Variants in CDH18 observed in about 807,000 individuals in gnomAD.
The protein encoded by CDH18 is cadherin 18.
Under a neutral mutation model 67.9 loss-of-function variants are expected in CDH18, and 31 were observed. That is an observed-to-expected ratio of 0.46 (90% confidence interval 0.34 to 0.62). The LOEUF (loss-of-function observed/expected upper bound fraction) is 0.62, where lower values mean the gene tolerates loss of function less well. Ranked by LOEUF, CDH18 falls within the 20% of genes least tolerant of loss-of-function variation. The pLI, the probability that CDH18 is intolerant of heterozygous loss-of-function variation, is 0.01. For missense variants in CDH18, 890 were observed against 975.5 expected (o/e 0.91, Z 1.17); for synonymous variants, 362 against 347.2 (o/e 1.04, Z -0.48).
chr5:20,256,095 G>A (rs1174181207), intron 1 of CDH18, among the ~76,000 whole-genome samples: 1 of 151,790 alleles, frequency 6.6e-6, no homozygotes, highest in Non-Finnish European at 1.5e-5. Flanking sequence ...GTGACTATTA[G>A]ATATTTCAAT....
chr5:19,742,703 T>C (rs1769373227), intron 4 of CDH18, among the ~76,000 whole-genome samples: 1 of 152,046 alleles, frequency 6.6e-6, no homozygotes, highest in African/African-American at 2.4e-5. Context: ...TACTAGCCAC[T>C]ATCACAGCTC....
chr5:19,615,162 A>T (rs973283700), intron 5 of CDH18, among the ~76,000 whole-genome samples: 2 of 152,060 alleles, frequency 1.3e-5, no homozygotes, highest in Non-Finnish European at 2.9e-5. Context: ...GAAAAAAAAA[A>T]AAAATCATAA....
At chr5:20,348,976 C>A (rs1252218205) in intron 1 of CDH18, among the ~76,000 whole-genome samples, 1 of 152,084 alleles carries the variant, frequency 6.6e-6, no homozygotes, top group African/African-American at 2.4e-5. Context: ...GGTATTTTAT[C>A]TCTACTAATG....
intron 1 of CDH18, chr5:20,304,365 A>G: frequency 6.7e-7 from 1 of 1,495,424 alleles, no homozygotes; most frequent in Non-Finnish European, 9.3e-7. Context: ...AATAGTTTAC[A>G]CTTTTTGGAG....
At chr5:19,503,156 C>A in intron 10 of CDH18, 47 bp from the exon 11 acceptor site, 2 of 952,768 alleles carry the variant, frequency 2.1e-6, no homozygotes, top group African/African-American at 1.6e-5. Flanking sequence ...TTTGCTTGTT[C>A]TCTTGATTTT....
chr5:19,887,910 T>C (rs543622795), intron 2 of CDH18, among the ~76,000 whole-genome samples: 1 of 152,120 alleles, frequency 6.6e-6, no homozygotes, highest in African/African-American at 2.4e-5. Flanking sequence ...AAGGTCATGG[T>C]TCAATTTTTT....
At chr5:20,077,567 G>A (rs1204555743) in intron 2 of CDH18, among the ~76,000 whole-genome samples, 2 of 152,056 alleles carry the variant, frequency 1.3e-5, no homozygotes, top group African/African-American at 4.8e-5. Flanking sequence ...TGAAAACAAT[G>A]GAATGATAAA....
intron 1 of CDH18, among the ~76,000 whole-genome samples, chr5:20,407,071 T>A (rs1163361578): frequency 1.3e-5 from 2 of 152,168 alleles, no homozygotes; most frequent in African/African-American, 4.8e-5. Context: ...CTTGAAGCAA[T>A]GATGAGATCC....
chr5:19,881,919 G>A (rs1000413441), intron 2 of CDH18, among the ~76,000 whole-genome samples: 1 of 152,124 alleles, frequency 6.6e-6, no homozygotes, highest in African/African-American at 2.4e-5. Context: ...GAACTATCCT[G>A]TAGTTCAACA....
chr5:20,137,533 T>C (rs1245035765), intron 2 of CDH18, among the ~76,000 whole-genome samples: 1 of 152,074 alleles, frequency 6.6e-6, no homozygotes, highest in East Asian at 1.9e-4. Flanking sequence ...TCGAAAATCC[T>C]CCTTTAGCTC....
chr5:19,892,653 T>C (rs1404594457), intron 2 of CDH18, among the ~76,000 whole-genome samples: 4 of 152,096 alleles, frequency 2.6e-5, no homozygotes, highest in Admixed American at 2.6e-4. Context: ...CTTCACCTTG[T>C]GTTCTCTTGG....
At chr5:20,147,853 T>C (rs1750777409) in intron 2 of CDH18, among the ~76,000 whole-genome samples, 1 of 152,168 alleles carries the variant, frequency 6.6e-6, no homozygotes, top group Admixed American at 6.6e-5. Flanking sequence ...GAAAAGGTTC[T>C]ACTTACCAAT....
chr5:20,422,286 C>A (rs554526061), intron 1 of CDH18, among the ~76,000 whole-genome samples: 1 of 150,924 alleles, frequency 6.6e-6, no homozygotes, highest in East Asian at 1.9e-4. Flanking sequence ...TCACAGATCC[C>A]TTAATTTCTA....
At chr5:20,423,428 A>G (rs907562089) in intron 1 of CDH18, among the ~76,000 whole-genome samples, 5 of 151,186 alleles carry the variant, frequency 3.3e-5, no homozygotes, top group Admixed American at 6.6e-5. Context: ...TGTTTGTTCA[A>G]TTGAAATACA....
intron 2 of CDH18, among the ~76,000 whole-genome samples, chr5:20,032,435 T>C (rs1487868385): frequency 6.6e-6 from 1 of 151,830 alleles, no homozygotes; most frequent in East Asian, 1.9e-4. Flanking sequence ...AAAGCAAAAA[T>C]CATCCCAGCT....
At chr5:20,548,809 C>T (rs1178950921) in intron 1 of CDH18, among the ~76,000 whole-genome samples, 1 of 152,072 alleles carries the variant, frequency 6.6e-6, no homozygotes, top group African/African-American at 2.4e-5. Flanking sequence ...GTGCCTGGAC[C>T]TGGGCAAGGT....
At chr5:19,741,294 CAT>C (rs1158181591) in intron 4 of CDH18, among the ~76,000 whole-genome samples, 2 of 140,440 alleles carry the variant, frequency 1.4e-5, no homozygotes, top group Non-Finnish European at 3.1e-5. Flanking sequence ...TATATACATA[CAT>C]ATATGTACAT....
chr5:20,104,603 C>T (rs1335563225), intron 2 of CDH18, among the ~76,000 whole-genome samples: 1 of 152,072 alleles, frequency 6.6e-6, no homozygotes, highest in Non-Finnish European at 1.5e-5. Context: ...CCCTAGTACT[C>T]CTTAACTTCC....
chr5:20,005,014 A>G (rs1181147991), intron 2 of CDH18, among the ~76,000 whole-genome samples: 2 of 152,244 alleles, frequency 1.3e-5, no homozygotes, highest in Admixed American at 1.3e-4. Flanking sequence ...GTGAGTTAAG[A>G]ATCCCTGTGA....
Sources: allele counts gnomAD v4.1 joint callset (sites outside exome capture counted in the v4.1 genomes callset), GRCh38; gene constraint gnomAD v4.1.1; transcripts MANE v1.5; gene names NCBI Gene and HGNC (gene_info 2026-07-23, HGNC 2026-07-21).